NYAP2: variants seen among roughly 807,000 people sequenced by gnomAD.
NYAP2 encodes neuronal tyrosine-phosphorylated phosphoinositide-3-kinase adaptor 2.
In NYAP2, 23 loss-of-function variants were observed where a neutral mutation model predicts 50.4. The ratio of observed to expected loss-of-function variants is 0.46; its 90% CI spans 0.33 to 0.65. The LOEUF (loss-of-function observed/expected upper bound fraction) is 0.65, where lower values mean the gene tolerates loss of function less well. Ranked by LOEUF, NYAP2 falls within the 30% of genes least tolerant of loss-of-function variation. NYAP2 has a pLI of 0.02. For missense variants in NYAP2, 885 were observed against 861.0 expected, an observed-to-expected ratio of 1.03 and a Z score of -0.35; for synonymous variants, 394 against 365.2, an observed-to-expected ratio of 1.08 and a Z score of -0.90.
At chr2:225,634,399 T>C (rs2106262013) in intron 6 of NYAP2, among the ~76,000 whole-genome samples, 1 of 152,310 alleles carries the variant, frequency 6.6e-6, no homozygotes, top group Non-Finnish European at 1.5e-5. Context: ...CCATATTATA[T>C]ATTCTGCTCT....
chr2:225,429,929 C>G (rs1204875888), intron 3 of NYAP2, among the ~76,000 whole-genome samples: 2 of 152,212 alleles, frequency 1.3e-5, no homozygotes, highest in African/African-American at 4.8e-5. Flanking sequence ...TTCACGGGCT[C>G]TTAAGCAGAC....
chr2:225,417,182 T>C (rs1187189749), intron 3 of NYAP2, among the ~76,000 whole-genome samples: 2 of 152,124 alleles, frequency 1.3e-5, no homozygotes, highest in African/African-American at 2.4e-5. Flanking sequence ...CTTTTTGAAC[T>C]ACTAAAAATG....
chr2:225,501,959 G>A (rs1481157522), intron 3 of NYAP2, among the ~76,000 whole-genome samples: 2 of 152,114 alleles, frequency 1.3e-5, no homozygotes, highest in Admixed American at 1.3e-4. Context: ...GCAATGTTAA[G>A]GCAGGAACAT....
intron 6 of NYAP2, among the ~76,000 whole-genome samples, chr2:225,649,177 T>G (rs1451701072): frequency 6.6e-6 from 1 of 152,238 alleles, no homozygotes; most frequent in Non-Finnish European, 1.5e-5. Flanking sequence ...TGTTTTTCTA[T>G]GAATTTTGCA....
intron 5 of NYAP2, among the ~76,000 whole-genome samples, chr2:225,586,152 C>T (rs1330683817): frequency 6.6e-6 from 1 of 152,022 alleles, no homozygotes; most frequent in Non-Finnish European, 1.5e-5. Context: ...TTAAGGAAAA[C>T]GATGTCAAAT....
intron 4 of NYAP2, among the ~76,000 whole-genome samples, chr2:225,555,267 T>G (rs1037239535): frequency 6.6e-6 from 1 of 152,182 alleles, no homozygotes; most frequent in Non-Finnish European, 1.5e-5. Context: ...TTTTTATGTT[T>G]TAAAAATATA....
chr2:225,605,857 A>AT (rs1003878696), intron 5 of NYAP2, among the ~76,000 whole-genome samples: 1 of 152,040 alleles, frequency 6.6e-6, no homozygotes, highest in Non-Finnish European at 1.5e-5. Context: ...AAATGCTTTC[A>AT]TTTTAAATTA....
At chr2:225,486,465 G>C (rs564807985) in intron 3 of NYAP2, among the ~76,000 whole-genome samples, 2 of 152,328 alleles carry the variant, frequency 1.3e-5, no homozygotes, top group South Asian at 4.1e-4. Flanking sequence ...AACAGCCCCA[G>C]TGTGAGGAGC....
At chr2:225,561,157 A>G (rs1267718210) in intron 4 of NYAP2, among the ~76,000 whole-genome samples, 1 of 151,930 alleles carries the variant, frequency 6.6e-6, no homozygotes, top group African/African-American at 2.4e-5. Context: ...ATGAAGATAA[A>G]TAAGTAATTA....
chr2:225,432,514 T>C (rs1689286564), intron 3 of NYAP2, among the ~76,000 whole-genome samples: 1 of 151,076 alleles, frequency 6.6e-6, no homozygotes, highest in East Asian at 1.9e-4. Flanking sequence ...TTTATATAGC[T>C]ATATGTAAAT....
At chr2:225,645,785 T>C (rs1475769123) in intron 6 of NYAP2, among the ~76,000 whole-genome samples, 1 of 152,200 alleles carries the variant, frequency 6.6e-6, no homozygotes, top group Admixed American at 6.5e-5. Flanking sequence ...TCTATTAAAA[T>C]TCAGGATCAA....
chr2:225,633,416 C>A (rs939958939), intron 6 of NYAP2, among the ~76,000 whole-genome samples: 5 of 152,178 alleles, frequency 3.3e-5, no homozygotes, highest in African/African-American at 9.7e-5. Context: ...AATTGAGATG[C>A]CTTCAGGACA....
chr2:225,464,463 C>G (rs1574628022), intron 3 of NYAP2, among the ~76,000 whole-genome samples: 1 of 152,146 alleles, frequency 6.6e-6, no homozygotes, highest in East Asian at 1.9e-4. Flanking sequence ...AGGGAAAATA[C>G]TTTGCGGGCC....
At chr2:225,583,273 T>C (rs1692332095) in intron 5 of NYAP2, among the ~76,000 whole-genome samples, 1 of 152,114 alleles carries the variant, frequency 6.6e-6, no homozygotes, top group Non-Finnish European at 1.5e-5. Flanking sequence ...AAAAGAAGAG[T>C]GATTTTGAAA....
At chr2:225,636,845 T>C (rs1246241741) in intron 6 of NYAP2, among the ~76,000 whole-genome samples, 1 of 152,114 alleles carries the variant, frequency 6.6e-6, no homozygotes, top group Non-Finnish European at 1.5e-5. Context: ...CCCCAAAATG[T>C]GAGAAAGCAC....
At chr2:225,626,641 CTCAGAGA>C (rs1693214033) in intron 5 of NYAP2, among the ~76,000 whole-genome samples, 1 of 152,132 alleles carries the variant, frequency 6.6e-6, no homozygotes, top group Non-Finnish European at 1.5e-5. Flanking sequence ...AATAAGTGTA[CTCAGAGA>C]TGAGCCCAAG....
intron 3 of NYAP2, among the ~76,000 whole-genome samples, chr2:225,485,105 G>A (rs184505548): frequency 3.5e-4 from 54 of 152,294 alleles, no homozygotes; most frequent in Non-Finnish European, 1.6e-4. Flanking sequence ...CCCATGTGTT[G>A]AGGGTGGGGC....
chr2:225,685,289 C>A, the NYAP2 span, among the ~76,000 whole-genome samples: 1 of 152,040 alleles, frequency 6.6e-6, no homozygotes, highest in Non-Finnish European at 1.5e-5. Context: ...CTATTAAAAA[C>A]CAATATTTTA....
At chr2:225,620,569 A>C (rs1693081960) in intron 5 of NYAP2, among the ~76,000 whole-genome samples, 1 of 152,222 alleles carries the variant, frequency 6.6e-6, no homozygotes, top group African/African-American at 2.4e-5. Flanking sequence ...TGATTTTCTT[A>C]CAGATTTTTC....
Sources: allele counts gnomAD v4.1 joint callset (sites outside exome capture counted in the v4.1 genomes callset), GRCh38; gene constraint gnomAD v4.1.1; transcripts MANE v1.5; gene names NCBI Gene and HGNC (gene_info 2026-07-23, HGNC 2026-07-21).